The following LPAR4 variants were observed in gnomAD, a reference collection of about 807,000 sequenced individuals.
The protein encoded by LPAR4 is G-protein coupled receptor 23.
In LPAR4, 14 loss-of-function variants were observed where a neutral mutation model predicts 9.2. The observed-to-expected ratio is 1.51, with a 90% CI of 1.00 to 2.37. The LOEUF is 2.37. LPAR4 is among the 30% of genes most tolerant of loss of function. The pLI, the probability that LPAR4 is intolerant of heterozygous loss-of-function variation, is 0.00. For synonymous variants in LPAR4, 131 were observed against 97.9 expected (o/e 1.34, Z -1.99); for missense variants, 251 against 272.1 (o/e 0.92, Z 0.55).
At position 78,758,372 on chromosome X, in the gene LPAR4, G is replaced by A. The variant is rs1482061117; in HGVS notation, c.*2390G>A. Among the ~76,000 whole-genome samples the A allele has an allele frequency of 9.0e-6, 1 of 111,140 alleles. No individual in the cohort carries two copies. The highest frequency in any genetic ancestry group is 1.9e-5 in the Non-Finnish European group (1 of 52,805). ...ATAAAATATATGTGAACATTTGTTTGTGCCCTTGCTTCTTAACATTATAAA... is the reference window on the plus strand; with the variant it reads ...ATAAAATATATGTGAACATTTGTTTATGCCCTTGCTTCTTAACATTATAAA... On this transcript the variant is annotated 3_prime_UTR_variant, in exon 5 of 5. Coordinates refer to ENST00000614823, the MANE Select transcript of LPAR4 (RefSeq NM_001278000.3).
At chrX:78,753,035 C>T (rs1200579359) in intron 4 of LPAR4, among the ~76,000 whole-genome samples, 1 of 111,408 alleles carries the variant, frequency 9.0e-6, no homozygotes, top group Non-Finnish European at 1.9e-5. Flanking sequence ...TGGTCAACCT[C>T]CACGGGACCT....
At chrX:78,750,302 G>T (rs918297544) in intron 2 of LPAR4, 79 bp downstream of exon 2, 2 of 110,957 alleles carry the variant, frequency 1.8e-5, no homozygotes, top group Admixed American at 1.9e-4. Flanking sequence ...CATTTCAGGA[G>T]AGTTGTAATA....
Position 78,757,093 on chromosome X carries a change from A to G in LPAR4, c.*1111A>G, listed in dbSNP as rs1437193063. The stretch of plus-strand genomic sequence containing the variant: ...TTGGAAGCAAATAAAAAAAAAAAAC[A>G]ACACATAAACTAAACCAAACCAAAA... On this transcript the variant is annotated 3_prime_UTR_variant, in exon 5 of 5. Coordinates refer to ENST00000614823, the MANE Select transcript of LPAR4 (RefSeq NM_001278000.3). The G allele has an allele frequency of 1.7e-5, 2 of 120,690 alleles. No individual in the cohort carries two copies. The highest frequency in any genetic ancestry group is 6.6e-5 in the African/African-American group (2 of 30,291). The allele number at this position is 120,690 out of a possible 1,213,427, so 9.9% of individuals were successfully genotyped here. A position where few individuals can be genotyped will look rare whatever the true frequency, so the allele number is the denominator to read the frequency against.
chrX:78,753,353 T>C (rs751026112), intron 4 of LPAR4, among the ~76,000 whole-genome samples: 9 of 111,991 alleles, frequency 8.0e-5, no homozygotes, highest in Admixed American at 1.9e-4. Context: ...AGGCTAATAT[T>C]GATTCTTCTT....
Position 78,757,555 on chromosome X carries a change from A to G in LPAR4, c.*1573A>G, listed in dbSNP as rs890880373. Among the ~76,000 whole-genome samples, 4 of 111,938 alleles carry G rather than the reference A, an allele frequency of 3.6e-5. No individual in the cohort carries two copies. Among genetic ancestry groups the G allele is most frequent in the Admixed American group, 2.8e-4 (3 of 10,542 alleles). ...ATTTACTTAAACCGCAAAAATCTTT[A>G]AAACTCTTACTAGTTTTTAAACTAA... is the stretch of plus-strand genomic sequence containing the variant. On this transcript the variant is annotated 3_prime_UTR_variant, in exon 5 of 5. Transcript: ENST00000614823.
rs1390874585 is a variant in LPAR4 at position 78,750,218 on chromosome X, AT to A, written c.-248del. On this transcript the variant is annotated 5_prime_UTR_variant, in exon 2 of 5. Transcript: ENST00000614823. ...AGTGTGAAAATCAACTCTCCTTAATATTAAGGTGATCTCAATGTATCTTAAA... is the reference window on the plus strand; with the variant it reads ...AGTGTGAAAATCAACTCTCCTTAATATAAGGTGATCTCAATGTATCTTAAA... The A allele has an allele frequency of 8.9e-6, 1 of 111,762 alleles. No individual in the cohort carries two copies. The highest frequency in any genetic ancestry group is 2.8e-4 in the East Asian group (1 of 3,596). 9.2% of individuals were successfully genotyped at this position (111,762 alleles called of 1,213,427 possible).
In LPAR4 at chrX:78,747,961, C is replaced by T. The variant is rs1924910251; in HGVS notation, c.-368C>T. ...ATATGCACTTCCAAAGGGCGAGTTG[C>T]CCATTTACATGTTTATTAGCTAATT... On this transcript the variant is annotated 5_prime_UTR_variant, in exon 1 of 5. Coordinates refer to ENST00000614823, the MANE Select transcript of LPAR4 (RefSeq NM_001278000.3). The T allele has an allele frequency of 9.4e-6, 1 of 106,745 alleles. No homozygotes were observed. Among genetic ancestry groups the T allele is most frequent in the African/African-American group, 3.4e-5 (1 of 29,034 alleles). 8.8% of individuals were successfully genotyped at this position (106,745 alleles called of 1,213,427 possible). A position where few individuals can be genotyped will look rare whatever the true frequency, so the allele number is the denominator to read the frequency against.
In LPAR4 at chrX:78,756,118, G is replaced by A; in HGVS notation, c.*136G>A. 1 of 528,899 alleles carries A rather than the reference G, an allele frequency of 1.9e-6. No individual in the cohort carries two copies. Among genetic ancestry groups the A allele is most frequent in the Admixed American group, 4.0e-5 (1 of 24,832 alleles). 43.6% of individuals were successfully genotyped at this position (528,899 alleles called of 1,213,427 possible). ...AGATACATTTGTTTGAAGGTATACT[G>A]TAGAGTTTTTATTGCTGTTTTGTTC... is the stretch of plus-strand genomic sequence containing the variant. On this transcript the variant is annotated 3_prime_UTR_variant, in exon 5 of 5. Transcript: ENST00000614823.
chrX:78,750,587 G>C (rs1925015482), intron 2 of LPAR4, 143 bp from the exon 3 acceptor site: 1 of 111,070 alleles, frequency 9.0e-6, no homozygotes, highest in African/African-American at 3.3e-5. Flanking sequence ...GTGATTGTCA[G>C]TCAGTGTTTG....
chrX:78,749,119 A>G (rs1924950189), intron 1 of LPAR4: 1 of 111,959 alleles, frequency 8.9e-6, no homozygotes, highest in African/African-American at 3.2e-5. Flanking sequence ...TGCAAGTTAA[A>G]GGGAGAACCA....
At position 78,754,839 on chromosome X, in the gene LPAR4, G is replaced by A; in HGVS notation, c.-31G>A. 6.0e-6 allele frequency: 7 copies of A among 1,157,917 alleles called. No individual in the cohort carries two copies. The highest frequency in any genetic ancestry group is 8.1e-6 in the Non-Finnish European group (7 of 866,381). On this transcript the variant is annotated 5_prime_UTR_variant, in exon 5 of 5. Transcript: ENST00000614823. ...CATAGTGTCAGAGTGGTGAACCCCT[G>A]CAGCCAGCAGGCCTCCTGAAAAAAA...
intron 4 of LPAR4, among the ~76,000 whole-genome samples, chrX:78,751,988 A>AT (rs904049077): frequency 1.0e-4 from 11 of 109,611 alleles, no homozygotes; most frequent in Non-Finnish European, 1.9e-4. Flanking sequence ...AGACTGAAGT[A>AT]TTTTTTTTCT....
At chrX:78,750,440 T>C (rs1000323382) in intron 2 of LPAR4, among the ~76,000 whole-genome samples, 1 of 111,942 alleles carries the variant, frequency 8.9e-6, no homozygotes, top group Non-Finnish European at 1.9e-5. Flanking sequence ...GGGTAAATTC[T>C]AAATGCGGTT....
rs1925348513 is a variant in LPAR4 at position 78,757,305 on chromosome X, G to GA, written c.*1330dup. On this transcript the variant is annotated 3_prime_UTR_variant, in exon 5 of 5. Transcript: ENST00000614823. ...TCTCCTGGTTAGGAACAAGTTGTGG[G>GA]AAAAAAAGGTCAAAAATCAAACTGC... is the stretch of plus-strand genomic sequence containing the variant. Among the ~76,000 whole-genome samples, 1 of 110,848 alleles carries GA rather than the reference G, an allele frequency of 9.0e-6. No homozygotes were observed. The highest frequency in any genetic ancestry group is 3.3e-5 in the African/African-American group (1 of 30,614).
chrX:78,751,855 C>G (rs1458244579), intron 4 of LPAR4, among the ~76,000 whole-genome samples: 3 of 111,039 alleles, frequency 2.7e-5, no homozygotes, highest in Non-Finnish European at 5.7e-5. Flanking sequence ...TACTCTGTAA[C>G]TAAGTACTAG....
Position 78,750,381 on chromosome X carries a change from C to T in LPAR4, c.-245+158C>T, listed in dbSNP as rs1330535302. On this transcript the variant is annotated intron_variant, in intron 2 of 4. Transcript: ENST00000614823. ...AAGGATGAGATGTAACAATAGTGTA[C>T]GTTTGGAGCTAGGGGATGATTCTAC... Among the ~76,000 whole-genome samples, 6 of 111,513 alleles carry T rather than the reference C, an allele frequency of 5.4e-5. No homozygotes were observed. In the East Asian group the frequency reaches 1.7e-3, roughly 32 times the overall value.
Position 78,751,291 on chromosome X carries a change from G to A in LPAR4, c.-100G>A, listed in dbSNP as rs897856250. 9.0e-6 allele frequency: 1 copy of A among 110,999 alleles called. No individual in the cohort carries two copies. The highest frequency in any genetic ancestry group is 1.9e-5 in the Non-Finnish European group (1 of 52,859). 9.1% of individuals were successfully genotyped at this position (110,999 alleles called of 1,213,427 possible). Reference sequence around the variant, plus strand: ...CAGTCTTAGATAAAATTGGTGCCAGGATTTGGTTCGAACTAATGTGGTGAG... The same window carrying A: ...CAGTCTTAGATAAAATTGGTGCCAGAATTTGGTTCGAACTAATGTGGTGAG... On this transcript the variant is annotated 5_prime_UTR_variant, in exon 4 of 5. Coordinates refer to ENST00000614823, the MANE Select transcript of LPAR4 (RefSeq NM_001278000.3).
chrX:78,751,615 A>T (rs1347239774), intron 4 of LPAR4, among the ~76,000 whole-genome samples: 1 of 111,172 alleles, frequency 9.0e-6, no homozygotes, highest in Admixed American at 9.6e-5. Flanking sequence ...TAAGTATATC[A>T]CATGAATTGG....
intron 4 of LPAR4, among the ~76,000 whole-genome samples, chrX:78,754,142 C>T (rs1479035146): frequency 3.6e-5 from 4 of 111,322 alleles, no homozygotes; most frequent in South Asian, 7.4e-4. Context: ...ATTAAAACAT[C>T]GCCTCGTACT....
Sources: allele counts gnomAD v4.1 joint callset (sites outside exome capture counted in the v4.1 genomes callset), GRCh38; gene constraint gnomAD v4.1.1; transcripts MANE v1.5; gene names NCBI Gene and HGNC (gene_info 2026-07-23, HGNC 2026-07-21).